ADAM7: variants seen among roughly 807,000 people sequenced by gnomAD.
ADAM7 encodes the protein ADAM metallopeptidase domain 7.
ADAM7 carries 97 observed loss-of-function variants against 102.9 expected under a neutral mutation model. That is an observed-to-expected ratio of 0.94 (90% CI 0.80 to 1.12). ADAM7 has a LOEUF of 1.12. Ranked by LOEUF, ADAM7 falls within the 50% of genes most tolerant of loss-of-function variation. ADAM7 has a pLI of 0.00. For missense variants in ADAM7, 991 were observed against 908.7 expected, an observed-to-expected ratio of 1.09 and a Z score of -1.16; for synonymous variants, 334 against 304.4, an observed-to-expected ratio of 1.10 and a Z score of -1.01.
intron 20 of ADAM7, among the ~76,000 whole-genome samples, chr8:24,502,093 A>C (rs896827569): frequency 6.6e-6 from 1 of 152,194 alleles, no homozygotes. Flanking sequence ...GAATTAAATT[A>C]CAATAGAAGT....
intron 3 of ADAM7, among the ~76,000 whole-genome samples, chr8:24,451,635 G>T (rs1323264524): frequency 6.6e-6 from 1 of 151,478 alleles, no homozygotes. Flanking sequence ...AGGGTTTTTT[G>T]TGTCTCTATT....
intron 1 of ADAM7, among the ~76,000 whole-genome samples, chr8:24,442,133 C>T (rs1818394746): frequency 6.9e-6 from 1 of 145,852 alleles, no homozygotes; most frequent in Admixed American, 6.8e-5. Flanking sequence ...GAGATCACGC[C>T]ACTACACTCC....
At chr8:24,506,464 A>G (rs948914012) in intron 20 of ADAM7, among the ~76,000 whole-genome samples, 3 of 152,064 alleles carry the variant, frequency 2.0e-5, no homozygotes, top group African/African-American at 7.2e-5. Flanking sequence ...TAATTTTGAT[A>G]TTTTAAACTA....
intron 10 of ADAM7, among the ~76,000 whole-genome samples, chr8:24,486,156 T>C (rs1295098555): frequency 2.6e-5 from 4 of 152,194 alleles, no homozygotes; most frequent in Middle Eastern, 3.2e-3. Context: ...GATTATGCTA[T>C]TATAATCACT....
intron 3 of ADAM7, among the ~76,000 whole-genome samples, chr8:24,459,413 A>G (rs985509050): frequency 6.6e-6 from 1 of 151,966 alleles, no homozygotes; most frequent in African/African-American, 2.4e-5. Context: ...TCAATCTAAA[A>G]GGGGCTATCA....
intron 6 of ADAM7, 74 bp from the exon 7 acceptor site, chr8:24,468,693 T>C (rs1198278528): frequency 7.5e-7 from 1 of 1,333,968 alleles, no homozygotes; most frequent in Non-Finnish European, 1.1e-6. Context: ...AATACTAGGA[T>C]TTTTTTTCCA....
intron 15 of ADAM7, 152 bp from the exon 16 acceptor site, chr8:24,492,891 T>G (rs747863269): frequency 4.0e-4 from 290 of 722,330 alleles, no homozygotes; most frequent in Non-Finnish European, 5.8e-4. Flanking sequence ...GGGCCAAGAC[T>G]TTGCTCAGTG....
intron 3 of ADAM7, among the ~76,000 whole-genome samples, chr8:24,450,777 G>C (rs546363982): frequency 0.015 from 2,269 of 152,098 alleles, 61 homozygotes; most frequent in African/African-American, 0.052. Flanking sequence ...TATGATATTG[G>C]CTGTGGGTTT....
At chr8:24,449,572 G>A (rs765520334) in intron 3 of ADAM7, among the ~76,000 whole-genome samples, 11 of 152,106 alleles carry the variant, frequency 7.2e-5, no homozygotes, top group Non-Finnish European at 1.2e-4. Flanking sequence ...TATGCAGGTT[G>A]CGAAAATTTT....
intron 3 of ADAM7, among the ~76,000 whole-genome samples, chr8:24,461,684 T>C (rs1356361451): frequency 6.6e-6 from 1 of 152,176 alleles, no homozygotes; most frequent in East Asian, 1.9e-4. Context: ...TGAAGCTCTT[T>C]TTTTTCTGTC....
intron 3 of ADAM7, among the ~76,000 whole-genome samples, chr8:24,451,247 C>T (rs944589497): frequency 6.6e-6 from 1 of 151,978 alleles, no homozygotes; most frequent in Non-Finnish European, 1.5e-5. Context: ...CCTTGTACCT[C>T]TGGTAGAATT....
rs1031415700 is a variant in ADAM7 at position 24,466,808 on chromosome 8, C to T, written c.399C>T (p.Phe133=). The T allele has an allele frequency of 6.2e-7, 1 of 1,612,248 alleles. No homozygotes were observed. Among genetic ancestry groups the T allele is most frequent in the Non-Finnish European group, 8.5e-7 (1 of 1,179,478 alleles). ...TTCCCAATTTCTACAGGGGATTCTT[C>T]AGAATAAACGACCAAAGATACCTCA... The part of the protein sequence containing the change: ...ISTCNGLRGF[F]RINDQRYLIE... The change falls in exon 6 of 22, where the codon TTC becomes TTT. Residue 133 remains phenylalanine, a synonymous_variant. Coordinates refer to ENST00000175238, the MANE Select transcript of ADAM7 (RefSeq NM_003817.4).
chr8:24,483,666 G>A (rs755923144), intron 9 of ADAM7, among the ~76,000 whole-genome samples: 1 of 152,148 alleles, frequency 6.6e-6, no homozygotes, highest in Non-Finnish European at 1.5e-5. Flanking sequence ...AGTTGTGCCT[G>A]GCTTGTACTT....
rs149780190 is a variant in ADAM7 at position 24,465,884 on chromosome 8, G to A, written c.389+109G>A. On this transcript the variant is annotated intron_variant, in intron 5 of 21. Coordinates refer to ENST00000175238, the MANE Select transcript of ADAM7 (RefSeq NM_003817.4). ...ACTCCTGGTATATAGAAAAATTAAT[G>A]AGAAAAAAGCTGCTGTGCATTTTTA... is the stretch of plus-strand genomic sequence containing the variant. 1.1e-4 allele frequency: 80 copies of A among 744,020 alleles called. No individual in the cohort carries two copies. The East Asian group carries it at 1.8e-3, about 17-fold the overall frequency. 46.1% of individuals were successfully genotyped at this position (744,020 alleles called of 1,614,324 possible). A position where few individuals can be genotyped will look rare whatever the true frequency, so the allele number is the denominator to read the frequency against.
chr8:24,495,973 C>A (rs1023784839), intron 16 of ADAM7, among the ~76,000 whole-genome samples: 4 of 152,222 alleles, frequency 2.6e-5, no homozygotes, highest in Admixed American at 2.6e-4. Flanking sequence ...GGGAAAATGT[C>A]TCCAGAGCAT....
At position 24,501,539 on chromosome 8, in the gene ADAM7, G is replaced by A. The variant is rs769858641; in HGVS notation, c.2171G>A (p.Arg724Lys). The A allele has an allele frequency of 2.5e-5, 40 of 1,607,250 alleles. No individual in the cohort carries two copies. The highest frequency in any genetic ancestry group is 6.9e-5 in the Admixed American group (4 of 58,028). The change falls in exon 20 of 22, where the codon AGG becomes AAG. Residue 724 changes from arginine to lysine, a missense_variant. Coordinates refer to ENST00000175238, the MANE Select transcript of ADAM7 (RefSeq NM_003817.4). Reference protein sequence around the residue: ...KGYFGDEQQIRTEPILPEIHF... With the variant: ...KGYFGDEQQIKTEPILPEIHF... ...TACTTTGGTGATGAGCAGCAGATAA[G>A]GACTGAGCCAATCCTGCCAGAAATT...
intron 9 of ADAM7, among the ~76,000 whole-genome samples, chr8:24,483,897 C>G (rs887284557): frequency 6.6e-6 from 1 of 152,142 alleles, no homozygotes; most frequent in Admixed American, 6.5e-5. Context: ...CTTCTCATAT[C>G]AATAGGATGT....
chr8:24,465,191 G>A (rs189649765), intron 4 of ADAM7, among the ~76,000 whole-genome samples: 3 of 152,218 alleles, frequency 2.0e-5, no homozygotes, highest in African/African-American at 4.8e-5. Context: ...TATTTGTGAG[G>A]GTGTGAGGTC....
At chr8:24,454,545 G>A (rs779615295) in intron 3 of ADAM7, among the ~76,000 whole-genome samples, 1 of 152,190 alleles carries the variant, frequency 6.6e-6, no homozygotes, top group African/African-American at 2.4e-5. Flanking sequence ...GATTTTGCAG[G>A]TGCCATCTGT....
Sources: allele counts gnomAD v4.1 joint callset (sites outside exome capture counted in the v4.1 genomes callset), GRCh38; gene constraint gnomAD v4.1.1; transcripts MANE v1.5; gene names NCBI Gene and HGNC (gene_info 2026-07-23, HGNC 2026-07-21).